The following MYZAP variants were observed in gnomAD, a reference collection of about 807,000 sequenced individuals.
The protein encoded by MYZAP is myocardial zonula adherens protein, also known as GRINL1A complex locus upstream.
Under a neutral mutation model 69.4 loss-of-function variants are expected in MYZAP, and 66 were observed. The observed-to-expected ratio is 0.95, with a 90% CI of 0.78 to 1.17. MYZAP has a LOEUF of 1.17. Ranked by LOEUF, MYZAP falls within the 50% of genes most tolerant of loss-of-function variation. The pLI is 0.00. For synonymous variants in MYZAP, 256 were observed against 205.9 expected (o/e 1.24, Z -2.09); for missense variants, 611 against 556.2 (o/e 1.10, Z -0.99).
At chr15:57,607,901 T>C (rs1401115199) in intron 2 of MYZAP, among the ~76,000 whole-genome samples, 3 of 152,152 alleles carry the variant, frequency 2.0e-5, no homozygotes, top group African/African-American at 7.2e-5. Context: ...CCATGCACTG[T>C]CGGGGAGACT....
intron 1 of MYZAP, among the ~76,000 whole-genome samples, chr15:57,603,373 T>C (rs2034539248): frequency 6.6e-6 from 1 of 152,172 alleles, no homozygotes; most frequent in Admixed American, 6.5e-5. Context: ...TTTTTAAGTG[T>C]ATAGTTCAGT....
intron 1 of MYZAP, chr15:57,599,654 TATCCGAGTTTCA>T: frequency 7.8e-7 from 1 of 1,289,182 alleles, no homozygotes; most frequent in Non-Finnish European, 1.0e-6. Context: ...GGAGATTGTG[TATCCGAGTTTCA>T]GGAGACCATG....
At chr15:57,649,243 A>C (rs768702387) in intron 10 of MYZAP, among the ~76,000 whole-genome samples, 47 of 152,214 alleles carry the variant, frequency 3.1e-4, no homozygotes, top group Non-Finnish European at 5.6e-4. Flanking sequence ...TTGCTAGGGC[A>C]TGGGATTGGC....
chr15:57,602,752 T>C (rs1261382137), intron 1 of MYZAP, among the ~76,000 whole-genome samples: 1 of 152,192 alleles, frequency 6.6e-6, no homozygotes, highest in African/African-American at 2.4e-5. Flanking sequence ...TTCCCAGCCA[T>C]GTAACCCTTC....
At chr15:57,604,756 C>T (rs918883679) in intron 2 of MYZAP, among the ~76,000 whole-genome samples, 2 of 152,200 alleles carry the variant, frequency 1.3e-5, no homozygotes, top group East Asian at 3.8e-4. Flanking sequence ...GCCGGGGGCT[C>T]TGCTCCCGCA....
intron 4 of MYZAP, among the ~76,000 whole-genome samples, chr15:57,622,734 A>G (rs2035894457): frequency 6.6e-6 from 1 of 152,216 alleles, no homozygotes; most frequent in African/African-American, 2.4e-5. Context: ...AAATGTGAAA[A>G]ATAAAACCCA....
intron 11 of MYZAP, among the ~76,000 whole-genome samples, chr15:57,667,241 T>C (rs2038620887): frequency 6.6e-6 from 1 of 152,218 alleles, no homozygotes; most frequent in African/African-American, 2.4e-5. Flanking sequence ...ATGCATTTTA[T>C]GGAACACACA....
At chr15:57,616,316 A>G (rs2035441002) in intron 2 of MYZAP, among the ~76,000 whole-genome samples, 1 of 152,156 alleles carries the variant, frequency 6.6e-6, no homozygotes. Flanking sequence ...GGAATTTGAG[A>G]CCAGATGGTG....
chr15:57,683,047 C>T (rs2039520097), intron 12 of MYZAP, among the ~76,000 whole-genome samples: 1 of 152,032 alleles, frequency 6.6e-6, no homozygotes, highest in African/African-American at 2.4e-5. Context: ...GATGTTTGGG[C>T]AACTTTAAGG....
chr15:57,619,562 G>A (rs1352784500), intron 3 of MYZAP, among the ~76,000 whole-genome samples: 1 of 152,094 alleles, frequency 6.6e-6, no homozygotes, highest in Non-Finnish European at 1.5e-5. Context: ...TAGAGACCCA[G>A]ACTGGTCTCA....
rs1353671106 is a variant in MYZAP at position 57,591,907 on chromosome 15, C to T, written c.-128C>T. On this transcript the variant is annotated 5_prime_UTR_variant, in exon 1 of 13. Coordinates refer to ENST00000267853, the MANE Select transcript of MYZAP (RefSeq NM_001018100.5). ...GCCCCCGGCCCCACCCCCGGGCCTT[C>T]GCGGTGCAGCTGAGGCTGCAAGTAG... is the stretch of plus-strand genomic sequence containing the variant. The T allele has an allele frequency of 3.7e-5, 33 of 881,280 alleles. No homozygotes were observed. Among genetic ancestry groups the T allele is most frequent in the Non-Finnish European group, 4.5e-5 (31 of 691,574 alleles). 54.6% of individuals were successfully genotyped at this position (881,280 alleles called of 1,614,324 possible). A position where few individuals can be genotyped will look rare whatever the true frequency, so the allele number is the denominator to read the frequency against.
At chr15:57,676,436 G>GTATATATA (rs1244767243) in intron 12 of MYZAP, among the ~76,000 whole-genome samples, 104 of 20,058 alleles carry the variant, frequency 5.2e-3, no homozygotes, top group African/African-American at 9.1e-3. Flanking sequence ...ATATATATAT[G>GTATATATA]TATATATATA....
At chr15:57,674,866 A>G (rs953542716) in intron 11 of MYZAP, 102 bp from the exon 12 acceptor site, 2 of 975,908 alleles carry the variant, frequency 2.0e-6, no homozygotes, top group African/African-American at 3.3e-5. Flanking sequence ...ATAGTTGCCC[A>G]TGTCATGGGG....
At chr15:57,596,205 G>T (rs1426515994) in intron 1 of MYZAP, among the ~76,000 whole-genome samples, 1 of 152,126 alleles carries the variant, frequency 6.6e-6, no homozygotes, top group Non-Finnish European at 1.5e-5. Flanking sequence ...GTCTCTGGGG[G>T]CACTGATGGA....
intron 2 of MYZAP, among the ~76,000 whole-genome samples, chr15:57,607,046 C>G (rs2034797192): frequency 6.6e-6 from 1 of 152,204 alleles, no homozygotes; most frequent in African/African-American, 2.4e-5. Context: ...CTGCCTGTCC[C>G]TTTTAGAGCT....
At chr15:57,596,114 G>A (rs1351724591) in intron 1 of MYZAP, among the ~76,000 whole-genome samples, 1 of 152,194 alleles carries the variant, frequency 6.6e-6, no homozygotes, top group Non-Finnish European at 1.5e-5. Flanking sequence ...AGACTCGTAA[G>A]GAAACTTGAT....
intron 10 of MYZAP, among the ~76,000 whole-genome samples, chr15:57,649,176 A>G (rs2037602385): frequency 6.6e-6 from 1 of 152,180 alleles, no homozygotes; most frequent in Non-Finnish European, 1.5e-5. Context: ...TTCTTTTACA[A>G]ACAATACCAA....
At chr15:57,646,513 A>C (rs1268461056) in intron 10 of MYZAP, 1 of 1,032,448 alleles carries the variant, frequency 9.7e-7, no homozygotes, top group Non-Finnish European at 1.2e-6. Flanking sequence ...ACCATTCAGA[A>C]AGATCCAGGT....
In MYZAP at chr15:57,669,742, A is replaced by G. The variant is rs530993361; in HGVS notation, c.1204-5226A>G. Among the ~76,000 whole-genome samples the G allele has an allele frequency of 2.7e-4, 41 of 152,216 alleles. No individual in the cohort carries two copies. The South Asian group carries it at 3.7e-3, about 14-fold the overall frequency. ...AGGTAGAACTTAGGTCATTGATTTTAGACCTTTCTTCTTTTTTAATATAAA... is the reference window on the plus strand; with the variant it reads ...AGGTAGAACTTAGGTCATTGATTTTGGACCTTTCTTCTTTTTTAATATAAA... On this transcript the variant is annotated intron_variant, in intron 11 of 12. Transcript: ENST00000267853.
Sources: allele counts gnomAD v4.1 joint callset (sites outside exome capture counted in the v4.1 genomes callset), GRCh38; gene constraint gnomAD v4.1.1; transcripts MANE v1.5; gene names NCBI Gene and HGNC (gene_info 2026-07-23, HGNC 2026-07-21).